AUTS2: variants seen among roughly 807,000 people sequenced by gnomAD.
AUTS2 encodes autism susceptibility gene 2 protein.
Under a neutral mutation model 112.4 loss-of-function variants are expected in AUTS2, and 17 were observed. The observed-to-expected ratio is 0.15, with a 90% CI of 0.10 to 0.23. AUTS2 has a LOEUF of 0.23. Ranked by LOEUF, AUTS2 falls within the 10% of genes least tolerant of loss-of-function variation. The pLI is 1.00. For missense variants in AUTS2, 1,510 were observed against 1,701.6 expected, an observed-to-expected ratio of 0.89 and a Z score of 1.98; for synonymous variants, 751 against 702.7, an observed-to-expected ratio of 1.07 and a Z score of -1.09.
At chr7:70,786,136 C>A in intron 17 of AUTS2, 98 bp downstream of exon 17, 1 of 1,026,556 alleles carries the variant, frequency 9.7e-7, no homozygotes, top group Non-Finnish European at 1.5e-6. Context: ...AAACTATGCT[C>A]TGGGGGGACC....
intron 4 of AUTS2, among the ~76,000 whole-genome samples, chr7:70,285,635 T>C (rs528504231): frequency 1.3e-5 from 2 of 152,354 alleles, no homozygotes; most frequent in South Asian, 4.1e-4. Flanking sequence ...TGTACTGATA[T>C]CTTCTTCCAA....
At chr7:70,534,686 A>G (rs1235294167) in intron 5 of AUTS2, among the ~76,000 whole-genome samples, 1 of 152,132 alleles carries the variant, frequency 6.6e-6, no homozygotes, top group Admixed American at 6.5e-5. Flanking sequence ...TCGGCCTCCC[A>G]AAGTGCTGGG....
rs1374159272 is a variant in AUTS2, at chr7:69,626,105, T to TA, written c.309+26151dup. ...GGGTGTTCCTGAGTAGTTGTGACAT[T>TA]AAAAAAAATTGCAGGGAACCTTGTA... On this transcript the variant is annotated intron_variant, in intron 1 of 18. Transcript: ENST00000342771. Among the ~76,000 whole-genome samples, 7 of 151,794 alleles carry TA rather than the reference T, an allele frequency of 4.6e-5. 1 individual carries two copies. Among genetic ancestry groups the TA allele is most frequent in the African/African-American group, 9.7e-5 (4 of 41,302 alleles).
chr7:70,571,934 C>T (rs1165450669), intron 5 of AUTS2, among the ~76,000 whole-genome samples: 1 of 152,128 alleles, frequency 6.6e-6, no homozygotes, highest in Non-Finnish European at 1.5e-5. Flanking sequence ...TGCAGAGCAG[C>T]TTTGGGGTAT....
chr7:69,616,587 A>G (rs996226790), intron 1 of AUTS2, among the ~76,000 whole-genome samples: 2 of 152,200 alleles, frequency 1.3e-5, no homozygotes, highest in Admixed American at 1.3e-4. Flanking sequence ...GGGACATGGT[A>G]TGATTTGAAT....
chr7:69,725,153 G>A (rs184598280), intron 1 of AUTS2, among the ~76,000 whole-genome samples: 6 of 152,234 alleles, frequency 3.9e-5, no homozygotes, highest in Non-Finnish European at 2.9e-5. Context: ...TATTATAGTT[G>A]ACTTTGCTTT....
chr7:69,901,433 C>T (rs1290170914), intron 2 of AUTS2, among the ~76,000 whole-genome samples: 1 of 152,168 alleles, frequency 6.6e-6, no homozygotes, highest in Non-Finnish European at 1.5e-5. Flanking sequence ...GTATTTCTTT[C>T]TACTTCTTCG....
chr7:70,698,523 T>C, intron 5 of AUTS2, 46 bp from the exon 6 acceptor site: 1 of 1,496,956 alleles, frequency 6.7e-7, no homozygotes, highest in Non-Finnish European at 9.2e-7. Flanking sequence ...GTGATGACAA[T>C]ATTAATGACA....
intron 2 of AUTS2, among the ~76,000 whole-genome samples, chr7:69,925,140 C>T (rs1795958079): frequency 2.0e-5 from 3 of 151,920 alleles, no homozygotes; most frequent in African/African-American, 7.3e-5. Flanking sequence ...TGTTGATAGC[C>T]TCCTTTCCTC....
intron 2 of AUTS2, among the ~76,000 whole-genome samples, chr7:70,068,342 TA>T (rs1430447165): frequency 1.3e-5 from 2 of 151,474 alleles, no homozygotes; most frequent in Non-Finnish European, 2.9e-5. Context: ...CCCACCCGGC[TA>T]ATTTTTTTTT....
intron 4 of AUTS2, among the ~76,000 whole-genome samples, chr7:70,187,972 T>A (rs1809695862): frequency 6.6e-6 from 1 of 152,190 alleles, no homozygotes; most frequent in South Asian, 2.1e-4. Flanking sequence ...AACATCTAAA[T>A]TCTTGAACAT....
At chr7:70,538,616 A>T (rs4718956) in intron 5 of AUTS2, among the ~76,000 whole-genome samples, 20 of 152,310 alleles carry the variant, frequency 1.3e-4, no homozygotes, top group Admixed American at 1.3e-3. Context: ...AGGAAGCGTT[A>T]TATGTTTTAT....
chr7:70,174,055 A>G (rs1808854142), intron 4 of AUTS2, among the ~76,000 whole-genome samples: 1 of 152,232 alleles, frequency 6.6e-6, no homozygotes, highest in Non-Finnish European at 1.5e-5. Context: ...TTGAAAGCCA[A>G]GATGGGCTGA....
chr7:69,644,515 CTT>C (rs1794937386), intron 1 of AUTS2, among the ~76,000 whole-genome samples: 4 of 148,746 alleles, frequency 2.7e-5, no homozygotes, highest in Non-Finnish European at 6.0e-5. Flanking sequence ...AAAAAAAAAA[CTT>C]TTAAAGTTTT....
chr7:70,421,658 G>A (rs1283343953), intron 4 of AUTS2, among the ~76,000 whole-genome samples: 1 of 152,110 alleles, frequency 6.6e-6, no homozygotes, highest in Non-Finnish European at 1.5e-5. Flanking sequence ...AGTCACTCGG[G>A]GAGACTGAAG....
chr7:70,107,307 T>C (rs1357011837), intron 2 of AUTS2, among the ~76,000 whole-genome samples: 1 of 150,116 alleles, frequency 6.7e-6, no homozygotes, highest in Non-Finnish European at 1.5e-5. Flanking sequence ...TTTTGAGCTC[T>C]CCTTACTGGC....
chr7:70,589,160 G>A (rs1023813206), intron 5 of AUTS2, among the ~76,000 whole-genome samples: 1 of 152,192 alleles, frequency 6.6e-6, no homozygotes, highest in Non-Finnish European at 1.5e-5. Context: ...GGTGGCAGTG[G>A]AGCAGTGGCC....
chr7:69,958,607 G>T (rs1264164390), intron 2 of AUTS2, among the ~76,000 whole-genome samples: 1 of 152,106 alleles, frequency 6.6e-6, no homozygotes, highest in Non-Finnish European at 1.5e-5. Context: ...TCCAGAGACT[G>T]ACACTGTGTG....
chr7:70,430,444 T>A (rs1795609616), intron 4 of AUTS2, among the ~76,000 whole-genome samples: 1 of 152,240 alleles, frequency 6.6e-6, no homozygotes, highest in Non-Finnish European at 1.5e-5. Flanking sequence ...TCTCCTCTTC[T>A]AGCCATATTT....
Sources: allele counts gnomAD v4.1 joint callset (sites outside exome capture counted in the v4.1 genomes callset), GRCh38; gene constraint gnomAD v4.1.1; transcripts MANE v1.5; gene names NCBI Gene and HGNC (gene_info 2026-07-23, HGNC 2026-07-21).